Variants in PLCB4 observed in about 807,000 individuals in gnomAD.
The protein encoded by PLCB4 is phospholipase C beta 4.
PLCB4 carries 77 observed loss-of-function variants against 178.8 expected under a neutral mutation model. The ratio of observed to expected loss-of-function variants is 0.43; its 90% confidence interval spans 0.36 to 0.52. The LOEUF (loss-of-function observed/expected upper bound fraction) is 0.52. Ranked by LOEUF, PLCB4 falls within the 20% of genes least tolerant of loss-of-function variation. The probability of loss-of-function intolerance (pLI) is 0.00; values close to 1 mark genes in which losing one functional copy is unlikely to be tolerated. For synonymous variants in PLCB4, 496 were observed against 490.8 expected, an observed-to-expected ratio of 1.01 and a Z score of -0.14; for missense variants, 1,024 against 1,453.4, an observed-to-expected ratio of 0.70 and a Z score of 4.80.
intron 22 of PLCB4, among the ~76,000 whole-genome samples, chr20:9,408,411 G>A (rs1005320017): frequency 6.9e-5 from 8 of 115,736 alleles, no homozygotes; most frequent in East Asian, 6.4e-4. Flanking sequence ...AGAAGCCATC[G>A]TAATCATCAT....
chr20:9,239,369 G>T (rs1054044448), intron 3 of PLCB4, among the ~76,000 whole-genome samples: 4 of 152,224 alleles, frequency 2.6e-5, no homozygotes, highest in African/African-American at 4.8e-5. Context: ...GATTTCAATG[G>T]ATATATCCTG....
rs1009885009 is a variant in PLCB4, at chr20:9,438,377, A to G, written c.2764+1225A>G. Among the ~76,000 whole-genome samples, 4 of 151,992 alleles carry G rather than the reference A, an allele frequency of 2.6e-5. No homozygotes were observed. The East Asian group carries it at 5.8e-4, about 22-fold the overall frequency. On this transcript the variant is annotated intron_variant, in intron 30 of 39. Transcript: ENST00000378473. Reference sequence around the variant, plus strand: ...GGAGACTATATCTTAAAAAAAAAAAAAAAAAAGAAAGAAAGAAATAAGTTG... The same window carrying G: ...GGAGACTATATCTTAAAAAAAAAAAGAAAAAAGAAAGAAAGAAATAAGTTG...
At chr20:9,343,266 C>T (rs890466247) in intron 7 of PLCB4, among the ~76,000 whole-genome samples, 2 of 151,846 alleles carry the variant, frequency 1.3e-5, no homozygotes, top group Admixed American at 1.3e-4. Context: ...TCACTTAACC[C>T]AACATTTAAT....
rs761259915 is a variant in PLCB4 at position 9,473,339 on chromosome 20, G to T, written c.3469G>T (p.Glu1157Ter). The T allele has an allele frequency of 1.9e-6, 3 of 1,586,364 alleles. No individual in the cohort carries two copies. The highest frequency in any genetic ancestry group is 2.6e-6 in the Non-Finnish European group (3 of 1,164,144). ...GAAAAAAGTCCAGCTTGAACATCTA[G>T]AATTCCTAGAGAAACAGAATGAGCA... Reference protein sequence around the residue: ...QLKKVQLEHLEFLEKQNEQLL... With the variant: ...QLKKVQLEHL The change falls in exon 38 of 40, where the codon GAA (glutamate) becomes TAA (stop). Residue 1157 changes from glutamate to a stop codon, truncating the protein, a stop_gained. Coordinates refer to ENST00000378473, the MANE Select transcript of PLCB4 (RefSeq NM_001377142.1). LOFTEE classifies it high-confidence loss of function.
At chr20:9,423,273 ATTTATTTATTCAGAGATAC>A (rs2040772701) in intron 27 of PLCB4, among the ~76,000 whole-genome samples, 1 of 152,350 alleles carries the variant, frequency 6.6e-6, no homozygotes, top group Non-Finnish European at 1.5e-5. Context: ...GAGATACTTA[ATTTATTTATTCAGAGATAC>A]TTTATTTATT....
chr20:9,378,634 C>T (rs1326312489), intron 12 of PLCB4, among the ~76,000 whole-genome samples: 1 of 152,082 alleles, frequency 6.6e-6, no homozygotes, highest in African/African-American at 2.4e-5. Context: ...GCCTCGAGGC[C>T]TGCTGTTAAC....
intron 2 of PLCB4, among the ~76,000 whole-genome samples, chr20:9,120,176 C>CTT (rs1179860730): frequency 6.6e-6 from 1 of 152,308 alleles, no homozygotes; most frequent in Non-Finnish European, 1.5e-5. Context: ...AACAAACTGA[C>CTT]TGAGTGCAGT....
At chr20:9,173,288 C>T (rs1465914797) in intron 2 of PLCB4, among the ~76,000 whole-genome samples, 1 of 152,206 alleles carries the variant, frequency 6.6e-6, no homozygotes. Flanking sequence ...ACTTTTGGTC[C>T]TGCACAGTGT....
intron 3 of PLCB4, among the ~76,000 whole-genome samples, chr20:9,227,281 CTTTTGATACACAAAAGTT>C (rs2093878878): frequency 6.6e-6 from 1 of 151,816 alleles, no homozygotes; most frequent in Admixed American, 6.6e-5. Flanking sequence ...TTGATAACAT[CTTTTGATACACAAAAGTT>C]TTTAATTTGA....
In PLCB4 at chr20:9,424,704, A is replaced by G. The variant is rs150098371; in HGVS notation, c.2524+752A>G. ...TTTCCTCCCCTGCAAAGTGAAGATAATAATAACTACCTCCCTCATAGCATT... is the reference window on the plus strand; with the variant it reads ...TTTCCTCCCCTGCAAAGTGAAGATAGTAATAACTACCTCCCTCATAGCATT... On this transcript the variant is annotated intron_variant, in intron 28 of 39. Coordinates refer to ENST00000378473, the MANE Select transcript of PLCB4 (RefSeq NM_001377142.1). Among the ~76,000 whole-genome samples, 636 of 152,294 alleles carry G rather than the reference A, an allele frequency of 4.2e-3. 2 individuals carry two copies. The highest frequency in any genetic ancestry group is 7.5e-3 in the Admixed American group (114 of 15,290).
At chr20:9,352,603 A>C (rs2034447135) in intron 7 of PLCB4, among the ~76,000 whole-genome samples, 1 of 152,214 alleles carries the variant, frequency 6.6e-6, no homozygotes, top group South Asian at 2.1e-4. Flanking sequence ...ATAACCAGCA[A>C]GGCTGATAGA....
chr20:9,206,299 CTTTTTT>C (rs71184138), intron 2 of PLCB4, among the ~76,000 whole-genome samples: 25 of 96,100 alleles, frequency 2.6e-4, no homozygotes, highest in African/African-American at 8.5e-4. Flanking sequence ...TTTCTTTTTT[CTTTTTT>C]TTTTTTTTTT....
chr20:9,122,608 A>G (rs2091995047), intron 2 of PLCB4, among the ~76,000 whole-genome samples: 1 of 152,182 alleles, frequency 6.6e-6, no homozygotes, highest in Admixed American at 6.5e-5. Context: ...CTTAATGTAC[A>G]TATGCAGTAT....
At chr20:9,224,306 T>G (rs372963765) in intron 3 of PLCB4, among the ~76,000 whole-genome samples, 17 of 152,188 alleles carry the variant, frequency 1.1e-4, no homozygotes, top group African/African-American at 3.6e-4. Context: ...ACAGTGGCTC[T>G]CTCTTCTCTC....
At chr20:9,459,216 C>T (rs917613477) in intron 34 of PLCB4, among the ~76,000 whole-genome samples, 28 of 152,104 alleles carry the variant, frequency 1.8e-4, no homozygotes, top group Non-Finnish European at 2.4e-4. Context: ...TGGTGGCACG[C>T]ATCTGTAATC....
At chr20:9,158,326 C>T (rs1170534727) in intron 2 of PLCB4, among the ~76,000 whole-genome samples, 2 of 151,818 alleles carry the variant, frequency 1.3e-5, no homozygotes, top group African/African-American at 2.4e-5. Context: ...AGTGTGGTGA[C>T]ATGATCTCAG....
intron 2 of PLCB4, among the ~76,000 whole-genome samples, chr20:9,176,047 T>C (rs950311122): frequency 6.6e-6 from 1 of 152,164 alleles, no homozygotes; most frequent in Non-Finnish European, 1.5e-5. Flanking sequence ...AGGCAACTAC[T>C]AGTCTGCTTT....
chr20:9,119,766 G>T (rs558820093), intron 2 of PLCB4, among the ~76,000 whole-genome samples: 6 of 152,322 alleles, frequency 3.9e-5, no homozygotes, highest in South Asian at 4.1e-4. Context: ...TAGTGTTTAC[G>T]CAGTACGGTA....
chr20:9,181,919 T>A (rs990358788), intron 2 of PLCB4, among the ~76,000 whole-genome samples: 1 of 152,024 alleles, frequency 6.6e-6, no homozygotes, highest in Non-Finnish European at 1.5e-5. Context: ...ATAATAGGGG[T>A]TCTAGGAAAT....
Sources: gnomAD v4.1 joint callset for allele counts (sites outside exome capture counted in the v4.1 genomes callset) on GRCh38, gnomAD v4.1.1 for gene constraint, MANE v1.5 for transcripts, NCBI Gene and HGNC (gene_info 2026-07-23, HGNC 2026-07-21) for gene names.